Variants in DYNAP observed in about 807,000 individuals in gnomAD.
DYNAP encodes dynactin associated protein.
Under a neutral mutation model 8.5 loss-of-function variants are expected in DYNAP, and 7 were observed. That is an observed-to-expected ratio of 0.82 (90% CI 0.47 to 1.54). The LOEUF (loss-of-function observed/expected upper bound fraction) is 1.54. DYNAP is among the 40% of genes most tolerant of loss of function. The pLI is 0.01. For synonymous variants in DYNAP, 77 were observed against 77.9 expected, an observed-to-expected ratio of 0.99 and a Z score of 0.06; for missense variants, 256 against 224.3, an observed-to-expected ratio of 1.14 and a Z score of -0.90.
upstream of DYNAP, among the ~76,000 whole-genome samples, chr18:54,584,864 G>T (rs1448248199): frequency 1.3e-5 from 2 of 152,178 alleles, no homozygotes; most frequent in African/African-American, 2.4e-5. Context: ...TGGTGTGGCT[G>T]GGGCATGGTA....
At chr18:54,593,041 T>C (rs1911142079) in intron 1 of DYNAP, among the ~76,000 whole-genome samples, 2 of 152,296 alleles carry the variant, frequency 1.3e-5, no homozygotes, top group East Asian at 3.9e-4. Context: ...ATTCAACTTA[T>C]TCAAATTTGC....
chr18:54,586,876 A>G (rs1484761195), upstream of DYNAP, among the ~76,000 whole-genome samples: 1 of 152,230 alleles, frequency 6.6e-6, no homozygotes, highest in African/African-American at 2.4e-5. Flanking sequence ...CAGTAATACT[A>G]TGGTAAAATC....
chr18:54,587,880 T>A (rs1910934890), upstream of DYNAP: 1 of 400,648 alleles, frequency 2.5e-6, no homozygotes, highest in Admixed American at 4.4e-5. Context: ...AGTCATGAAT[T>A]CCTAGTCGCT....
chr18:54,596,747 T>C (rs1911306989), intron 2 of DYNAP, among the ~76,000 whole-genome samples: 1 of 152,130 alleles, frequency 6.6e-6, no homozygotes, highest in Non-Finnish European at 1.5e-5. Context: ...TGCAGTATTA[T>C]AGACTCCTCT....
Position 54,598,704 on chromosome 18 carries a change from CT to C in DYNAP, c.*561del, listed in dbSNP as rs994766395. The stretch of plus-strand genomic sequence containing the variant: ...CCCAAAATATATTTCCTTGCCATAC[CT>C]TGAAATTGTCCTGCAAAGTCTCTTG... On this transcript the variant is annotated 3_prime_UTR_variant, in exon 3 of 3. Coordinates refer to ENST00000648945, the MANE Select transcript of DYNAP (RefSeq NM_173629.3). The C allele has an allele frequency of 3.9e-5, 6 of 152,530 alleles. No homozygotes were observed. The highest frequency in any genetic ancestry group is 1.4e-4 in the African/African-American group (6 of 41,434). 9.4% of individuals were successfully genotyped at this position (152,530 alleles called of 1,614,324 possible).
chr18:54,591,190 T>C (rs1455787164), upstream of DYNAP: 1 of 1,606,180 alleles, frequency 6.2e-7, no homozygotes, highest in Non-Finnish European at 8.5e-7. Context: ...CTTCCACCAG[T>C]GTTTTAATTG....
the DYNAP span, among the ~76,000 whole-genome samples, chr18:54,582,477 T>C: frequency 6.6e-6 from 1 of 152,250 alleles, no homozygotes; most frequent in Non-Finnish European, 1.5e-5. Flanking sequence ...TCCCCCAGAC[T>C]TACACTTAGT....
chr18:54,579,739 A>G, the DYNAP span, among the ~76,000 whole-genome samples: 12,436 of 152,266 alleles, frequency 0.082, 840 homozygotes, highest in African/African-American at 0.18. Flanking sequence ...TGTGATCCTC[A>G]AAGATGGTCT....
chr18:54,578,602 C>A, the DYNAP span, among the ~76,000 whole-genome samples: 1 of 152,084 alleles, frequency 6.6e-6, no homozygotes. Context: ...TAAATATTGA[C>A]CCCTCTAGAA....
chr18:54,577,450 A>G, the DYNAP span, among the ~76,000 whole-genome samples: 1 of 151,966 alleles, frequency 6.6e-6, no homozygotes, highest in African/African-American at 2.4e-5. Flanking sequence ...GCATGGTGGC[A>G]CACGCCTGTG....
the DYNAP span, among the ~76,000 whole-genome samples, chr18:54,580,596 A>G: frequency 8.5e-4 from 130 of 152,320 alleles, no homozygotes; most frequent in Non-Finnish European, 1.3e-3. Context: ...CAGAAATTAC[A>G]ATGTGGTGGC....
rs1480633863 is a variant in DYNAP, at chr18:54,595,075, G to A, written c.194G>A (p.Cys65Tyr). ...CCAGGAATCCTTGCACATTCAAGATGTCTACAGTCAGAATCCTGTAACACA... is the reference window on the plus strand; with the variant it reads ...CCAGGAATCCTTGCACATTCAAGATATCTACAGTCAGAATCCTGTAACACA... The part of the protein sequence containing the change: ...VNPGILAHSR[C>Y]LQSESCNTQV... The change falls in exon 2 of 3, where the codon TGT (cysteine) becomes TAT (tyrosine). Residue 65 changes from cysteine (C) to tyrosine (Y), a missense_variant. Coordinates refer to ENST00000648945, the MANE Select transcript of DYNAP (RefSeq NM_173629.3). 1 of 1,612,250 alleles carries A rather than the reference G, an allele frequency of 6.2e-7. No individual in the cohort carries two copies. The highest frequency in any genetic ancestry group is 8.5e-7 in the Non-Finnish European group (1 of 1,178,860).
chr18:54,597,894 A>G lies in DYNAP; in HGVS notation c.304A>G (p.Ile102Val), dbSNP rs965348866. ...CLLACVIMTA[I>V]GVLIICLVNN... ...CTTAGCCTGTGTGATAATGACAGCA[A>G]TTGGAGTACTTATAATATGCTTGGT... Residue 102 changes from isoleucine to valine, a missense_variant, in exon 3 of 3, where the codon ATT (isoleucine) becomes GTT (valine). Transcript: ENST00000648945. 1.9e-6 allele frequency: 3 copies of G among 1,613,522 alleles called. No individual in the cohort carries two copies. Among genetic ancestry groups the G allele is most frequent in the South Asian group, 2.2e-5 (2 of 91,058 alleles).
intron 1 of DYNAP, 62 bp downstream of exon 1, chr18:54,591,401 A>G: frequency 6.5e-7 from 1 of 1,536,370 alleles, no homozygotes; most frequent in Non-Finnish European, 8.8e-7. Context: ...TCAGCATTTA[A>G]AAGCAGTTTA....
chr18:54,584,169 T>A (rs1019805671), upstream of DYNAP, among the ~76,000 whole-genome samples: 2 of 151,484 alleles, frequency 1.3e-5, no homozygotes, highest in East Asian at 3.8e-4. Flanking sequence ...AAATATATGG[T>A]AAAGTTAACA....
chr18:54,591,028 A>C, upstream of DYNAP: 1 of 490,452 alleles, frequency 2.0e-6, no homozygotes, highest in South Asian at 4.5e-5. Flanking sequence ...AGGTTTTCAG[A>C]GGGAGTAGTC....
At chr18:54,584,289 A>G (rs1422335871), upstream of DYNAP, among the ~76,000 whole-genome samples, 2 of 148,292 alleles carry the variant, frequency 1.3e-5, no homozygotes, top group African/African-American at 4.9e-5. Context: ...ATATTAATTA[A>G]TAATTAATAT....
upstream of DYNAP, chr18:54,591,100 C>A: frequency 8.5e-7 from 1 of 1,170,654 alleles, no homozygotes; most frequent in Non-Finnish European, 1.2e-6. Context: ...CATTTCATTT[C>A]CTCCTCTAAG....
chr18:54,597,709 G>A, intron 2 of DYNAP, 104 bp from the exon 3 acceptor site: 1 of 1,162,440 alleles, frequency 8.6e-7, no homozygotes, highest in Non-Finnish European at 1.2e-6. Context: ...GACACATAGT[G>A]ACTCAAATGA....
Sources: allele counts gnomAD v4.1 joint callset (sites outside exome capture counted in the v4.1 genomes callset), GRCh38; gene constraint gnomAD v4.1.1; transcripts MANE v1.5; gene names NCBI Gene and HGNC (gene_info 2026-07-23, HGNC 2026-07-21).